FGF10: variants seen among roughly 807,000 people sequenced by gnomAD.
The protein encoded by FGF10 is fibroblast growth factor 10.
FGF10 carries 2 observed loss-of-function variants against 19.8 expected under a neutral mutation model. The ratio of observed to expected loss-of-function variants is 0.10; its 90% CI spans 0.04 to 0.32. FGF10 has a LOEUF of 0.32. FGF10 is among the 10% of genes least tolerant of loss of function. The probability of loss-of-function intolerance (pLI) is 1.00; values close to 1 mark genes in which losing one functional copy is unlikely to be tolerated. For synonymous variants in FGF10, 112 were observed against 94.0 expected (o/e 1.19, Z -1.10); for missense variants, 191 against 246.3 (o/e 0.78, Z 1.50).
chr5:44,388,798 C>G lies in FGF10; in HGVS notation c.-116G>C. Reference sequence around the variant, plus strand: ...GGTGGTGGCTGCTGGTTAGCTCCCTCTGGGCGCGGATCTGGCCAGAAGTGA... The same window carrying G: ...GGTGGTGGCTGCTGGTTAGCTCCCTGTGGGCGCGGATCTGGCCAGAAGTGA... On this transcript the variant is annotated 5_prime_UTR_variant, in exon 1 of 3. Coordinates refer to ENST00000264664, the MANE Select transcript of FGF10 (RefSeq NM_004465.2). The G allele has an allele frequency of 9.4e-7, 1 of 1,066,112 alleles. No individual in the cohort carries two copies. Among genetic ancestry groups the G allele is most frequent in the South Asian group, 1.3e-5 (1 of 74,792 alleles). The allele number at this position is 1,066,112 out of a possible 1,614,324, so 66.0% of individuals were successfully genotyped here.
intron 1 of FGF10, among the ~76,000 whole-genome samples, chr5:44,324,583 C>T (rs2111737881): frequency 6.6e-6 from 1 of 152,172 alleles, no homozygotes; most frequent in South Asian, 2.1e-4. Flanking sequence ...GTAAGAAGGA[C>T]TTTAAATTGA....
chr5:44,360,479 T>TACA (rs1177600536), intron 1 of FGF10, among the ~76,000 whole-genome samples: 4 of 151,572 alleles, frequency 2.6e-5, no homozygotes, highest in African/African-American at 9.7e-5. Flanking sequence ...GCAACATTTG[T>TACA]AATTTAAGTC....
At chr5:44,308,449 A>G (rs936459285) in intron 2 of FGF10, among the ~76,000 whole-genome samples, 1 of 152,082 alleles carries the variant, frequency 6.6e-6, no homozygotes, top group Non-Finnish European at 1.5e-5. Context: ...GGTCTAGACT[A>G]AGTATGTGTG....
At chr5:44,347,168 C>T (rs1206670817) in intron 1 of FGF10, among the ~76,000 whole-genome samples, 2 of 151,666 alleles carry the variant, frequency 1.3e-5, no homozygotes, top group Admixed American at 1.3e-4. Flanking sequence ...ATCTATCCCT[C>T]ATGAAGTTAA....
chr5:44,388,792 C>T lies in FGF10; in HGVS notation c.-110G>A. ...GCTCGAGGTGGTGGCTGCTGGTTAG[C>T]TCCCTCTGGGCGCGGATCTGGCCAG... On this transcript the variant is annotated 5_prime_UTR_variant, in exon 1 of 3. Coordinates refer to ENST00000264664, the MANE Select transcript of FGF10 (RefSeq NM_004465.2). The T allele has an allele frequency of 8.8e-7, 1 of 1,140,520 alleles. No homozygotes were observed. Among genetic ancestry groups the T allele is most frequent in the Non-Finnish European group, 1.3e-6 (1 of 768,912 alleles). The allele number at this position is 1,140,520 out of a possible 1,614,324, so 70.7% of individuals were successfully genotyped here. A position where few individuals can be genotyped will look rare whatever the true frequency, so the allele number is the denominator to read the frequency against.
rs17234001 is a variant in FGF10, at chr5:44,372,499, A to G, written c.325+15859T>C. ...AATAGTCACACATTCCAGGGATTACAGCCTGATATTTTTGGGTGGCCATTA... is the reference window on the plus strand; with the variant it reads ...AATAGTCACACATTCCAGGGATTACGGCCTGATATTTTTGGGTGGCCATTA... On this transcript the variant is annotated intron_variant, in intron 1 of 2. Coordinates refer to ENST00000264664, the MANE Select transcript of FGF10 (RefSeq NM_004465.2). Among the ~76,000 whole-genome samples the G allele has an allele frequency of 5.8e-4, 88 of 152,312 alleles. 2 individuals carry two copies. The highest frequency in any genetic ancestry group is 5.4e-3 in the Admixed American group (82 of 15,294).
At chr5:44,311,191 A>G (rs974336140) in intron 1 of FGF10, among the ~76,000 whole-genome samples, 1 of 151,174 alleles carries the variant, frequency 6.6e-6, no homozygotes, top group African/African-American at 2.4e-5. Flanking sequence ...TTTTTTTCCT[A>G]GGAAAAATGG....
chr5:44,326,438 A>T (rs2111743907), intron 1 of FGF10, among the ~76,000 whole-genome samples: 1 of 152,176 alleles, frequency 6.6e-6, no homozygotes, highest in East Asian at 1.9e-4. Flanking sequence ...TCACTCTGTC[A>T]CCCATGCTGG....
intron 1 of FGF10, among the ~76,000 whole-genome samples, chr5:44,366,568 G>A (rs1294651683): frequency 2.0e-5 from 3 of 151,994 alleles, no homozygotes; most frequent in African/African-American, 7.2e-5. Context: ...CCTTTAAACA[G>A]GAGAGATTAA....
intron 1 of FGF10, among the ~76,000 whole-genome samples, chr5:44,356,732 A>G (rs1338559678): frequency 6.6e-6 from 1 of 151,398 alleles, no homozygotes; most frequent in Non-Finnish European, 1.5e-5. Context: ...CAAGAACATC[A>G]TTAATTTATC....
rs1382820921 is a variant in FGF10, at chr5:44,302,811, A to T, written c.*2184T>A. Among the ~76,000 whole-genome samples the T allele has an allele frequency of 6.6e-6, 1 of 152,206 alleles. No homozygotes were observed. Among genetic ancestry groups the T allele is most frequent in the Non-Finnish European group, 1.5e-5 (1 of 68,036 alleles). On this transcript the variant is annotated 3_prime_UTR_variant, in exon 3 of 3. Coordinates refer to ENST00000264664, the MANE Select transcript of FGF10 (RefSeq NM_004465.2). ...ATGACTGTTTACACATAGTCTCTTT[A>T]GTAATCTAAATGTCTATGTGAAATA...
intron 1 of FGF10, among the ~76,000 whole-genome samples, chr5:44,330,586 A>G (rs1296998852): frequency 6.6e-6 from 1 of 152,220 alleles, no homozygotes; most frequent in Non-Finnish European, 1.5e-5. Flanking sequence ...TTCTTTTATT[A>G]TAATGAGGGG....
Position 44,331,449 on chromosome 5 carries a change from A to G in FGF10, c.326-20919T>C, listed in dbSNP as rs553019723. Among the ~76,000 whole-genome samples, 4 of 152,182 alleles carry G rather than the reference A, an allele frequency of 2.6e-5. No individual in the cohort carries two copies. The South Asian group carries it at 8.3e-4, about 32-fold the overall frequency. On this transcript the variant is annotated intron_variant, in intron 1 of 2. Transcript: ENST00000264664. ...GAGAAAGAGGAAAAGGAAACTGGAA[A>G]TGTGACTGTGCCTTTAATTGGAGAT...
At chr5:44,333,403 C>G (rs745993367) in intron 1 of FGF10, among the ~76,000 whole-genome samples, 3 of 152,118 alleles carry the variant, frequency 2.0e-5, no homozygotes, top group Non-Finnish European at 4.4e-5. Flanking sequence ...GAAGCCAACC[C>G]AGCAGTGGCA....
At chr5:44,317,488 T>C (rs1317745589) in intron 1 of FGF10, among the ~76,000 whole-genome samples, 1 of 152,180 alleles carries the variant, frequency 6.6e-6, no homozygotes, top group South Asian at 2.1e-4. Flanking sequence ...GCCATTGTCA[T>C]TGATCTAACA....
intron 1 of FGF10, among the ~76,000 whole-genome samples, chr5:44,371,331 C>T (rs1741737132): frequency 6.6e-6 from 1 of 152,090 alleles, no homozygotes; most frequent in South Asian, 2.1e-4. Context: ...GGCTCCATGA[C>T]TTTGGACTTC....
intron 1 of FGF10, among the ~76,000 whole-genome samples, chr5:44,313,592 T>G (rs1401606557): frequency 2.0e-5 from 3 of 151,688 alleles, no homozygotes; most frequent in Non-Finnish European, 4.4e-5. Context: ...AAAAAGGTTT[T>G]TTTTTTTTTA....
intron 2 of FGF10, among the ~76,000 whole-genome samples, chr5:44,307,820 C>T (rs10461754): frequency 0.013 from 2,026 of 152,222 alleles, 90 homozygotes; most frequent in East Asian, 0.12. Context: ...TTTGAACAAA[C>T]CATAATTTTT....
At chr5:44,307,049 ATTGT>A (rs1740092954) in intron 2 of FGF10, among the ~76,000 whole-genome samples, 1 of 152,166 alleles carries the variant, frequency 6.6e-6, no homozygotes, top group South Asian at 2.1e-4. Flanking sequence ...AAGGACTGAG[ATTGT>A]TTGAGGTGAT....
Sources: gnomAD v4.1 joint callset for allele counts (sites outside exome capture counted in the v4.1 genomes callset) on GRCh38, gnomAD v4.1.1 for gene constraint, MANE v1.5 for transcripts, NCBI Gene and HGNC (gene_info 2026-07-23, HGNC 2026-07-21) for gene names.